HIF1AN: variants seen among roughly 807,000 people sequenced by gnomAD.
HIF1AN encodes the protein hypoxia inducible factor 1 subunit alpha inhibitor.
Under a neutral mutation model 47.7 loss-of-function variants are expected in HIF1AN, and 21 were observed. The observed-to-expected ratio is 0.44, with a 90% CI of 0.31 to 0.63. The LOEUF is 0.63. Among genes scored for constraint, HIF1AN ranks in the 30% least tolerant of loss-of-function variants. The pLI, the probability that HIF1AN is intolerant of heterozygous loss-of-function variation, is 0.07. For synonymous variants in HIF1AN, 152 were observed against 155.9 expected, an observed-to-expected ratio of 0.98 and a Z score of 0.18; for missense variants, 320 against 432.7, an observed-to-expected ratio of 0.74 and a Z score of 2.31.
rs1207632642 is a variant in HIF1AN, at chr10:100,535,948, T to TGGCGGCGGAGATGGCGGC, written c.-9_9dup. On this transcript the variant is annotated 5_prime_UTR_variant, in exon 1 of 8. It adds an upstream start codon to the 5' untranslated region. Coordinates refer to ENST00000299163, the MANE Select transcript of HIF1AN (RefSeq NM_017902.3). The stretch of plus-strand genomic sequence containing the variant: ...TTCCGGTTCCGGTGGGGGCCGTCCC[T>TGGCGGCGGAGATGGCGGC]GGCGGCGGAGATGGCGGCGACAGCG... The TGGCGGCGGAGATGGCGGC allele has an allele frequency of 6.5e-7, 1 of 1,546,458 alleles. No homozygotes were observed. Among genetic ancestry groups the TGGCGGCGGAGATGGCGGC allele is most frequent in the African/African-American group, 1.4e-5 (1 of 72,384 alleles).
rs1241335179 is a variant in HIF1AN, at chr10:100,559,522, G to C, written c.*11385G>C. 6.6e-6 allele frequency: 1 copy of C among 152,138 alleles called. No individual in the cohort carries two copies. Among genetic ancestry groups the C allele is most frequent in the African/African-American group, 2.4e-5 (1 of 41,404 alleles). 9.4% of individuals were successfully genotyped at this position (152,138 alleles called of 1,614,324 possible). A position where few individuals can be genotyped will look rare whatever the true frequency, so the allele number is the denominator to read the frequency against. On this transcript the variant is annotated 3_prime_UTR_variant, in exon 8 of 8. Coordinates refer to ENST00000299163, the MANE Select transcript of HIF1AN (RefSeq NM_017902.3). Reference sequence around the variant, plus strand: ...CAGCCTCAACCTCCTGGACTCAAGTGATCCTCCTGCCTCAGCCTCCCATGT... The same window carrying C: ...CAGCCTCAACCTCCTGGACTCAAGTCATCCTCCTGCCTCAGCCTCCCATGT...
intron 5 of HIF1AN, 76 bp from the exon 6 acceptor site, chr10:100,546,442 C>CA: frequency 1.1e-5 from 9 of 802,046 alleles, no homozygotes; most frequent in East Asian, 2.6e-5. Flanking sequence ...CCAACCCTGC[C>CA]ACCCCCCCGC....
rs1486342910 is a variant in HIF1AN at position 100,555,302 on chromosome 10, G to T, written c.*7165G>T. The T allele has an allele frequency of 6.6e-6, 1 of 152,222 alleles. No homozygotes were observed. The highest frequency in any genetic ancestry group is 1.5e-5 in the Non-Finnish European group (1 of 68,044). The allele number at this position is 152,222 out of a possible 1,614,324, so 9.4% of individuals were successfully genotyped here. A position where few individuals can be genotyped will look rare whatever the true frequency, so the allele number is the denominator to read the frequency against. On this transcript the variant is annotated 3_prime_UTR_variant, in exon 8 of 8. Coordinates refer to ENST00000299163, the MANE Select transcript of HIF1AN (RefSeq NM_017902.3). Reference sequence around the variant, plus strand: ...TGCTGGCTCAGATTTGTCCTGGAGTGGACGTAGATTGGACTTGCTTATTTG... The same window carrying T: ...TGCTGGCTCAGATTTGTCCTGGAGTTGACGTAGATTGGACTTGCTTATTTG...
At chr10:100,546,274 C>T (rs1024486923) in intron 5 of HIF1AN, among the ~76,000 whole-genome samples, 1 of 152,094 alleles carries the variant, frequency 6.6e-6, no homozygotes, top group Admixed American at 6.6e-5. Flanking sequence ...AAAGAGATTC[C>T]GGAGGCTTGA....
At chr10:100,545,168 C>A in intron 4 of HIF1AN, 72 bp downstream of exon 4, 2 of 1,520,742 alleles carry the variant, frequency 1.3e-6, no homozygotes, top group Non-Finnish European at 1.8e-6. Flanking sequence ...ATGTCTTTCC[C>A]CTTCCCCGTA....
Position 100,558,451 on chromosome 10 carries a change from T to G in HIF1AN, c.*10314T>G, listed in dbSNP as rs1843232236. 6.6e-6 allele frequency: 1 copy of G among 151,998 alleles called. No individual in the cohort carries two copies. The highest frequency in any genetic ancestry group is 2.4e-5 in the African/African-American group (1 of 41,382). 9.4% of individuals were successfully genotyped at this position (151,998 alleles called of 1,614,324 possible). On this transcript the variant is annotated 3_prime_UTR_variant, in exon 8 of 8. Transcript: ENST00000299163. The stretch of plus-strand genomic sequence containing the variant: ...CCCCATCTCTTGAAAAAACAAACAC[T>G]CTTAAGAGCAGTGGTTCACCTAGAA...
chr10:100,554,530 G>C lies in HIF1AN; in HGVS notation c.*6393G>C, dbSNP rs1350756920. 6.6e-6 allele frequency: 1 copy of C among 152,096 alleles called. No homozygotes were observed. The highest frequency in any genetic ancestry group is 2.4e-5 in the African/African-American group (1 of 41,404). The allele number at this position is 152,096 out of a possible 1,614,324, so 9.4% of individuals were successfully genotyped here. On this transcript the variant is annotated 3_prime_UTR_variant, in exon 8 of 8. Coordinates refer to ENST00000299163, the MANE Select transcript of HIF1AN (RefSeq NM_017902.3). ...TTACAAATATGGACCAGACACCTGG[G>C]AGGATTACCTCACGCCTGTAATCCC... is the stretch of plus-strand genomic sequence containing the variant.
intron 2 of HIF1AN, among the ~76,000 whole-genome samples, chr10:100,539,716 G>A (rs1426183825): frequency 1.3e-5 from 2 of 152,336 alleles, no homozygotes; most frequent in East Asian, 1.9e-4. Context: ...AGTCGCTTCT[G>A]TGGACATTTC....
chr10:100,540,003 T>G (rs1564661775), intron 2 of HIF1AN, among the ~76,000 whole-genome samples: 1 of 152,024 alleles, frequency 6.6e-6, no homozygotes, highest in Non-Finnish European at 1.5e-5. Context: ...TTTTATTTAT[T>G]TATTTATGTA....
At position 100,549,768 on chromosome 10, in the gene HIF1AN, T is replaced by TG. The variant is rs1368727632; in HGVS notation, c.*1632dup. ...GTTTTCTTTTCTTTTTTTTTTTTTTTGCCAAAGGTTTACTTCCAGCATCTG... is the reference window on the plus strand; with the variant it reads ...GTTTTCTTTTCTTTTTTTTTTTTTTTGGCCAAAGGTTTACTTCCAGCATCTG... On this transcript the variant is annotated 3_prime_UTR_variant, in exon 8 of 8. Transcript: ENST00000299163. 10 of 149,334 alleles carry TG rather than the reference T, an allele frequency of 6.7e-5. No individual in the cohort carries two copies. Among genetic ancestry groups the TG allele is most frequent in the Non-Finnish European group, 1.5e-4 (10 of 67,704 alleles). 9.3% of individuals were successfully genotyped at this position (149,334 alleles called of 1,614,324 possible). A position where few individuals can be genotyped will look rare whatever the true frequency, so the allele number is the denominator to read the frequency against.
Position 100,558,358 on chromosome 10 carries a change from T to G in HIF1AN, c.*10221T>G, listed in dbSNP as rs1232637113. 6.6e-6 allele frequency: 1 copy of G among 152,186 alleles called. No individual in the cohort carries two copies. The highest frequency in any genetic ancestry group is 1.5e-5 in the Non-Finnish European group (1 of 68,040). 9.4% of individuals were successfully genotyped at this position (152,186 alleles called of 1,614,324 possible). ...GTGCACACTTGTAATCCCAACACTT[T>G]GGGAGGCTTGAGTCAGGAGGAAGCT... On this transcript the variant is annotated 3_prime_UTR_variant, in exon 8 of 8. Coordinates refer to ENST00000299163, the MANE Select transcript of HIF1AN (RefSeq NM_017902.3).
At position 100,548,335 on chromosome 10, in the gene HIF1AN, C is replaced by A; in HGVS notation, c.*198C>A. ...ACTCCTATTTGGAGGGACTTCATAC[C>A]CTTGCCTCTTGTGCCCCAGCACCTT... On this transcript the variant is annotated 3_prime_UTR_variant, in exon 8 of 8. Coordinates refer to ENST00000299163, the MANE Select transcript of HIF1AN (RefSeq NM_017902.3). 2.0e-6 allele frequency: 1 copy of A among 502,202 alleles called. No individual in the cohort carries two copies. The highest frequency in any genetic ancestry group is 3.6e-5 in the Admixed American group (1 of 27,496). 31.1% of individuals were successfully genotyped at this position (502,202 alleles called of 1,614,324 possible).
intron 3 of HIF1AN, among the ~76,000 whole-genome samples, chr10:100,544,400 A>G (rs923067884): frequency 2.0e-5 from 3 of 152,216 alleles, no homozygotes; most frequent in African/African-American, 7.2e-5. Flanking sequence ...AACGTGGTGA[A>G]ACCCCATCTC....
Position 100,545,972 on chromosome 10 carries a change from G to T in HIF1AN, c.753G>T (p.Arg251Ser). The T allele has an allele frequency of 6.2e-7, 1 of 1,613,826 alleles. No individual in the cohort carries two copies. Among genetic ancestry groups the T allele is most frequent in the Non-Finnish European group, 8.5e-7 (1 of 1,179,898 alleles). The change falls in exon 5 of 8, where the codon AGG becomes AGT. Residue 251 changes from arginine to serine, a missense_variant. Transcript: ENST00000299163. ...ACTTTGACAATCCCGACTACGAGAG[G>T]TTCCCTAATTTCCAAAATGTGGTTG... The part of the protein sequence containing the change: ...QVDFDNPDYE[R>S]FPNFQNVVGY...
At chr10:100,546,453 ACT>A in intron 5 of HIF1AN, 63 bp from the exon 6 acceptor site, 1 of 410,002 alleles carries the variant, frequency 2.4e-6, no homozygotes, top group Non-Finnish European at 4.3e-6. Context: ...ACCCCCCCGC[ACT>A]TCGCCCCTCC....
At chr10:100,548,030 C>A in intron 7 of HIF1AN, 63 bp from the exon 8 acceptor site, 2 of 1,489,938 alleles carry the variant, frequency 1.3e-6, no homozygotes, top group Non-Finnish European at 1.9e-6. Flanking sequence ...TCCAGACACA[C>A]CCTGTCCAAT....
intron 3 of HIF1AN, among the ~76,000 whole-genome samples, chr10:100,542,388 CTG>C (rs1272481629): frequency 6.6e-6 from 1 of 152,192 alleles, no homozygotes; most frequent in Non-Finnish European, 1.5e-5. Context: ...GAGTCTCGCT[CTG>C]TCGCCCAGGC....
At chr10:100,545,845 G>GTTTTTTTTTT in intron 4 of HIF1AN, 98 bp from the exon 5 acceptor site, 1 of 645,706 alleles carries the variant, frequency 1.5e-6, no homozygotes, top group South Asian at 2.1e-5. Flanking sequence ...TTTTTTTTTT[G>GTTTTTTTTTT]TTTGTTTGTT....
chr10:100,541,655 A>G (rs1843034864), intron 3 of HIF1AN, among the ~76,000 whole-genome samples: 1 of 152,128 alleles, frequency 6.6e-6, no homozygotes. Flanking sequence ...GTGTGCCACC[A>G]TACCCGGCTT....
Sources: gnomAD v4.1 joint callset for allele counts (sites outside exome capture counted in the v4.1 genomes callset) on GRCh38, gnomAD v4.1.1 for gene constraint, MANE v1.5 for transcripts, NCBI Gene and HGNC (gene_info 2026-07-23, HGNC 2026-07-21) for gene names.